GRK1: variants seen among roughly 807,000 people sequenced by gnomAD.
GRK1 encodes G protein-coupled receptor kinase 1.
Under a neutral mutation model 41.7 loss-of-function variants are expected in GRK1, and 28 were observed. The observed-to-expected ratio is 0.67, with a 90% confidence interval of 0.50 to 0.92. The LOEUF (loss-of-function observed/expected upper bound fraction) is 0.92. Ranked by LOEUF, GRK1 falls within the 40% of genes least tolerant of loss-of-function variation. GRK1 has a pLI of 0.00. For missense variants in GRK1, 703 were observed against 671.2 expected (o/e 1.05, Z -0.52); for synonymous variants, 327 against 286.7 (o/e 1.14, Z -1.42).
At chr13:113,672,084 G>A (rs1360154231) in intron 3 of GRK1, among the ~76,000 whole-genome samples, 8 of 152,036 alleles carry the variant, frequency 5.3e-5, no homozygotes, top group African/African-American at 1.9e-4. Context: ...ACGCTCAGCT[G>A]TGGCACGGCC....
intron 4 of GRK1, among the ~76,000 whole-genome samples, chr13:113,724,764 C>T (rs2049880685): frequency 6.6e-6 from 1 of 152,166 alleles, no homozygotes; most frequent in South Asian, 2.1e-4. Context: ...ACCTGCTTTT[C>T]GTGAGATGAT....
At chr13:113,658,696 G>T in the GRK1 span, among the ~76,000 whole-genome samples, 1 of 152,186 alleles carries the variant, frequency 6.6e-6, no homozygotes, top group East Asian at 1.9e-4. Flanking sequence ...GCTGGAGCTG[G>T]GTTGGCAGGG....
the GRK1 span, among the ~76,000 whole-genome samples, chr13:113,657,754 C>T: frequency 6.6e-6 from 1 of 152,278 alleles, no homozygotes; most frequent in African/African-American, 2.4e-5. Flanking sequence ...ATGCTGTTCT[C>T]AGACATACGG....
chr13:113,656,457 G>A, the GRK1 span, among the ~76,000 whole-genome samples: 1 of 152,180 alleles, frequency 6.6e-6, no homozygotes, highest in Non-Finnish European at 1.5e-5. Context: ...GGAGCCCGAG[G>A]TTGGCCAGGC....
At position 113,728,379 on chromosome 13, in the gene GRK1, G is replaced by A. The variant is rs951452453; in HGVS notation, c.1070-2840G>A. 8.0e-5 allele frequency among the ~76,000 whole-genome samples: 11 copies of A among 136,734 alleles called. 1 individual carries two copies. Among genetic ancestry groups the A allele is most frequent in the African/African-American group, 2.5e-4 (8 of 31,838 alleles). 89.7% of individuals were successfully genotyped at this position (136,734 alleles called of 152,430 possible). ...CATGGCGATGAGGAGTACCCATGGC[G>A]AGGAGTACCCATGGCGATGAGGAGT... On this transcript the variant is annotated intron_variant, in intron 4 of 6. Coordinates refer to ENST00000335678, the MANE Select transcript of GRK1 (RefSeq NM_002929.3).
At position 113,736,132 on chromosome 13, in the gene GRK1, C is replaced by CAA. The variant is rs2050002756; in HGVS notation, c.*771_*772dup. 1 of 152,276 alleles carries CAA rather than the reference C, an allele frequency of 6.6e-6. No individual in the cohort carries two copies. Among genetic ancestry groups the CAA allele is most frequent in the Admixed American group, 6.5e-5 (1 of 15,286 alleles). 9.4% of individuals were successfully genotyped at this position (152,276 alleles called of 1,614,324 possible). On this transcript the variant is annotated 3_prime_UTR_variant, in exon 7 of 7. Transcript: ENST00000335678. ...GGTGTCCAGCTGACGGCAGCTGGTG[C>CAA]AAAGTTCCCACCCCTGAGCTGGGGA... is the stretch of plus-strand genomic sequence containing the variant.
upstream of GRK1, among the ~76,000 whole-genome samples, chr13:113,663,285 A>G (rs1482581822): frequency 6.6e-6 from 1 of 152,182 alleles, no homozygotes; most frequent in Admixed American, 6.5e-5. Flanking sequence ...TTGGATATCC[A>G]TTGGCCAAAG....
intron 6 of GRK1, among the ~76,000 whole-genome samples, chr13:113,733,899 A>G (rs868690820): frequency 0.012 from 544 of 45,036 alleles, 3 homozygotes; most frequent in South Asian, 0.018. Flanking sequence ...GCGTGTGTGT[A>G]TGTGTGCATA....
chr13:113,735,418 C>T lies in GRK1; in HGVS notation c.*55C>T, dbSNP rs935927625. ...AGGACCCATACGGCTCGATGGGGGC[C>T]GCCTGCCTCCGTGGTGCCAGCCTGG... is the stretch of plus-strand genomic sequence containing the variant. On this transcript the variant is annotated 3_prime_UTR_variant, in exon 7 of 7. Transcript: ENST00000335678. The T allele has an allele frequency of 9.9e-6, 14 of 1,418,880 alleles. No homozygotes were observed. Among genetic ancestry groups the T allele is most frequent in the Admixed American group, 5.6e-5 (2 of 35,568 alleles). 87.9% of individuals were successfully genotyped at this position (1,418,880 alleles called of 1,614,324 possible). A position where few individuals can be genotyped will look rare whatever the true frequency, so the allele number is the denominator to read the frequency against.
rs779113674 is a variant in GRK1, at chr13:113,731,818, G to C, written c.1194+475G>C. ...CTGGGGCTCTGGGGGACACGGAGTC[G>C]GCTCCCCCTCCCTGGACGGTCTTAT... On this transcript the variant is annotated intron_variant, in intron 5 of 6. Coordinates refer to ENST00000335678, the MANE Select transcript of GRK1 (RefSeq NM_002929.3). The surrounding 1 kb of genome is among the most constrained non-coding windows in gnomAD (Gnocchi z 5.6). Among the ~76,000 whole-genome samples the C allele has an allele frequency of 1.3e-5, 2 of 152,178 alleles. No individual in the cohort carries two copies. Among genetic ancestry groups the C allele is most frequent in the Non-Finnish European group, 2.9e-5 (2 of 68,020 alleles).
At chr13:113,666,147 GGTGGGTCCC>G (rs1395441559), upstream of GRK1, among the ~76,000 whole-genome samples, 1 of 140,136 alleles carries the variant, frequency 7.1e-6, no homozygotes, top group African/African-American at 3.1e-5. Flanking sequence ...GTGTGTCTCA[GGTGGGTCCC>G]AAGTGTTCCC....
chr13:113,734,975 A>G, intron 6 of GRK1, 93 bp from the exon 7 acceptor site: 1 of 1,250,980 alleles, frequency 8.0e-7, no homozygotes, highest in South Asian at 1.6e-5. Flanking sequence ...GCCTTTGTGC[A>G]TCTGGGAGCC....
chr13:113,667,788 T>A lies in GRK1; in HGVS notation c.402T>A (p.Phe134Leu), dbSNP rs1056198528. The stretch of plus-strand genomic sequence containing the variant: ...TGGATGAGGGGATAGTGGCGAAGTT[T>A]AAGGAGGGGCCTGTGGAGATCCAGG... ...SFLDEGIVAK[F>L]KEGPVEIQDG... Residue 134 changes from phenylalanine (F) to leucine (L), a missense_variant, in exon 1 of 7, where the codon TTT (phenylalanine) becomes TTA (leucine). Transcript: ENST00000335678. The surrounding 1 kb of genome is among the most constrained non-coding windows in gnomAD (Gnocchi z 7.5). The A allele has an allele frequency of 6.2e-7, 1 of 1,611,632 alleles. No individual in the cohort carries two copies. Among genetic ancestry groups the A allele is most frequent in the African/African-American group, 1.3e-5 (1 of 74,778 alleles).
chr13:113,650,168 C>CAAA, the GRK1 span, among the ~76,000 whole-genome samples: 1 of 99,984 alleles, frequency 1.0e-5, no homozygotes, highest in African/African-American at 3.3e-5. The surrounding 1 kb of genome is among the most constrained non-coding windows in gnomAD (Gnocchi z 5.0). Context: ...AAGACTGTCT[C>CAAA]AAAAAAAAAA....
chr13:113,653,195 G>A, the GRK1 span: 1 of 1,404,850 alleles, frequency 7.1e-7, no homozygotes, highest in Non-Finnish European at 9.7e-7. Context: ...CGAAGCTGTG[G>A]AGCCGTTTCA....
At chr13:113,733,167 A>T in intron 6 of GRK1, 82 bp downstream of exon 6, 1 of 1,395,162 alleles carries the variant, frequency 7.2e-7, no homozygotes, top group Non-Finnish European at 9.6e-7. Context: ...CCAGCCTGTG[A>T]GAGTCGGCAG....
chr13:113,649,259 C>T, the GRK1 span: 1 of 1,345,282 alleles, frequency 7.4e-7, no homozygotes, highest in Non-Finnish European at 1.0e-6. The surrounding 1 kb of genome is among the most constrained non-coding windows in gnomAD (Gnocchi z 4.7). Flanking sequence ...AACACCGTTG[C>T]TCCAAACCAC....
the GRK1 span, chr13:113,650,387 G>T: frequency 6.2e-7 from 1 of 1,607,650 alleles, no homozygotes; most frequent in Non-Finnish European, 8.5e-7. The surrounding 1 kb of genome is among the most constrained non-coding windows in gnomAD (Gnocchi z 5.0). Flanking sequence ...TGAGGGAAGC[G>T]TGGAAGGAAG....
At chr13:113,670,767 G>A (rs1005180161) in intron 2 of GRK1, among the ~76,000 whole-genome samples, 5 of 145,204 alleles carry the variant, frequency 3.4e-5, no homozygotes, top group Middle Eastern at 3.5e-3. Flanking sequence ...GTGCCCAGGC[G>A]GAGGGGAGGG....
Sources: allele counts gnomAD v4.1 joint callset (sites outside exome capture counted in the v4.1 genomes callset), GRCh38; gene constraint gnomAD v4.1.1; non-coding constraint Gnocchi (gnomAD v3.1); transcripts MANE v1.5; gene names NCBI Gene and HGNC (gene_info 2026-07-23, HGNC 2026-07-21).